Variants in GPR173 observed in about 807,000 individuals in gnomAD.
GPR173 encodes G protein-coupled receptor 173.
GPR173 carries 2 observed loss-of-function variants against 13.9 expected under a neutral mutation model. That is an observed-to-expected ratio of 0.14 (90% CI 0.06 to 0.45). GPR173 has a LOEUF of 0.45. GPR173 is among the 20% of genes least tolerant of loss of function. The probability of loss-of-function intolerance (pLI) is 0.98; values close to 1 mark genes in which losing one functional copy is unlikely to be tolerated. For missense variants in GPR173, 202 were observed against 340.5 expected, an observed-to-expected ratio of 0.59 and a Z score of 3.20; for synonymous variants, 131 against 141.0, an observed-to-expected ratio of 0.93 and a Z score of 0.50.
intron 1 of GPR173, among the ~76,000 whole-genome samples, chrX:53,060,580 C>CAA (rs111798225): frequency 3.2e-5 from 2 of 61,569 alleles, no homozygotes; most frequent in Non-Finnish European, 3.4e-5. Context: ...GACTCCGTCT[C>CAA]AAAAAAAAAA....
intron 1 of GPR173, among the ~76,000 whole-genome samples, chrX:53,055,561 TGGG>T (rs1278909568): frequency 9.1e-6 from 1 of 109,498 alleles, no homozygotes; most frequent in Non-Finnish European, 1.9e-5. Context: ...AAAAGAGAGT[TGGG>T]GGCACAGCTG....
chrX:53,053,197 CAAG>C (rs1556802910), intron 1 of GPR173, among the ~76,000 whole-genome samples: 2 of 112,587 alleles, frequency 1.8e-5, no homozygotes, highest in African/African-American at 6.5e-5. Flanking sequence ...GTTGTGTGTA[CAAG>C]TCTGTGTTAG....
At position 53,074,007 on chromosome X, in the gene GPR173, T is replaced by TATAA. The variant is rs1569224264; in HGVS notation, c.-97-2515_-97-2514insAATA. 1.6e-3 allele frequency among the ~76,000 whole-genome samples: 29 copies of TATAA among 17,580 alleles called. 3 individuals carry two copies. Among genetic ancestry groups the TATAA allele is most frequent in the African/African-American group, 8.5e-3 (13 of 1,524 alleles). 15.3% of individuals were successfully genotyped at this position (17,580 alleles called of 115,157 possible). Reference sequence around the variant, plus strand: ...TATATAAATATACATAAATATATATTATACATAAATATATATTTATATATA... The same window carrying TATAA: ...TATATAAATATACATAAATATATATTATAAATACATAAATATATATTTATATATA... On this transcript the variant is annotated intron_variant, in intron 1 of 1. Coordinates refer to ENST00000332582, the MANE Select transcript of GPR173 (RefSeq NM_018969.6).
intron 1 of GPR173, among the ~76,000 whole-genome samples, chrX:53,057,467 G>A (rs1556803318): frequency 1.9e-5 from 2 of 105,197 alleles, no homozygotes; most frequent in East Asian, 5.9e-4. Context: ...GGCTGGGCAT[G>A]GTGGCTCACA....
chrX:53,076,999 C>G lies in GPR173; in HGVS notation c.378C>G (p.Ala126=). 1 of 1,210,483 alleles carries G rather than the reference C, an allele frequency of 8.3e-7. No individual in the cohort carries two copies. Among genetic ancestry groups the G allele is most frequent in the Non-Finnish European group, 1.1e-6 (1 of 895,257 alleles). Residue 126 remains alanine, a synonymous_variant, in exon 2 of 2, where the codon GCC becomes GCG. Coordinates refer to ENST00000332582, the MANE Select transcript of GPR173 (RefSeq NM_018969.6). ...GCGTCACCCGCTACATGGCCATCGCCCACCACCGCTTCTACGCCAAGCGCA... is the reference window on the plus strand; with the variant it reads ...GCGTCACCCGCTACATGGCCATCGCGCACCACCGCTTCTACGCCAAGCGCA... The part of the protein sequence containing the change: ...CISVTRYMAI[A]HHRFYAKRMT...
chrX:53,054,097 A>T (rs1931997892), intron 1 of GPR173, among the ~76,000 whole-genome samples: 1 of 111,200 alleles, frequency 9.0e-6, no homozygotes, highest in South Asian at 3.8e-4. Flanking sequence ...AGAAATCTAG[A>T]TGTGAGTGTG....
At chrX:53,068,125 A>G (rs782610115) in intron 1 of GPR173, among the ~76,000 whole-genome samples, 3 of 111,707 alleles carry the variant, frequency 2.7e-5, no homozygotes, top group South Asian at 3.7e-4. Context: ...TATAACAGAT[A>G]TGCTTCAGAA....
Position 53,076,667 on chromosome X carries a change from T to C in GPR173, c.46T>C (p.Ser16Pro), listed in dbSNP as rs782410900. 8.3e-7 allele frequency: 1 copy of C among 1,202,092 alleles called. No individual in the cohort carries two copies. Among genetic ancestry groups the C allele is most frequent in the East Asian group, 3.0e-5 (1 of 33,642 alleles). ...GEPEEVSGALSPPSASAYVKL... is the reference protein window; with the variant it reads ...GEPEEVSGALPPPSASAYVKL... Reference sequence around the variant, plus strand: ...GCCTGAGGAGGTGAGCGGCGCTCTGTCCCCACCGTCCGCATCAGCTTATGT... The same window carrying C: ...GCCTGAGGAGGTGAGCGGCGCTCTGCCCCCACCGTCCGCATCAGCTTATGT... Residue 16 changes from serine (S) to proline (P), a missense_variant, in exon 2 of 2, where the codon TCC becomes CCC. Ser to Pro is a moderately conservative substitution (Grantham distance 74). Around this residue, in one of 3 missense-constraint regions of GPR173, gnomAD observed 98 missense variants for 137.2 expected, o/e 0.71. Transcript: ENST00000332582.
At position 53,077,458 on chromosome X, in the gene GPR173, G is replaced by A. The variant is rs1932454621; in HGVS notation, c.837G>A (p.Lys279=). The A allele has an allele frequency of 5.8e-6, 7 of 1,210,780 alleles. No individual in the cohort carries two copies. In the East Asian group the frequency reaches 8.9e-5, roughly 15 times the overall value. The change falls in exon 2 of 2, where the codon AAG becomes AAA. Residue 279 remains lysine (K), a synonymous_variant. Transcript: ENST00000332582. ...GGCTACTGGGCATGGACGAGGTCAA[G>A]GGTGAAAAGCAGCTGGGCCGCATGT... ...SRRLLGMDEV[K]GEKQLGRMFY...
chrX:53,062,569 C>CTTTTTTTTTTT (rs1359629881), intron 1 of GPR173, among the ~76,000 whole-genome samples: 1 of 74,671 alleles, frequency 1.3e-5, no homozygotes, highest in African/African-American at 5.6e-5. Flanking sequence ...ACATTGTCTT[C>CTTTTTTTTTTT]TTCTTTTTTT....
intron 1 of GPR173, among the ~76,000 whole-genome samples, chrX:53,060,938 TTC>T (rs1556803725): frequency 9.3e-6 from 1 of 107,916 alleles, no homozygotes; most frequent in Admixed American, 9.9e-5. Flanking sequence ...GTACAGACAC[TTC>T]CAGAGGAGGA....
chrX:53,053,915 G>T (rs1207398511), intron 1 of GPR173, among the ~76,000 whole-genome samples: 1 of 112,095 alleles, frequency 8.9e-6, no homozygotes, highest in Non-Finnish European at 1.9e-5. Context: ...ACCAATCATG[G>T]CTGATGTCCT....
intron 1 of GPR173, among the ~76,000 whole-genome samples, chrX:53,051,204 G>A (rs1240606892): frequency 9.0e-6 from 1 of 110,805 alleles, no homozygotes; most frequent in Non-Finnish European, 1.9e-5. Context: ...GAAGAACGGG[G>A]TCTGCTGGCT....
chrX:53,071,462 G>T (rs1176497826), intron 1 of GPR173, among the ~76,000 whole-genome samples: 1 of 112,012 alleles, frequency 8.9e-6, no homozygotes, highest in Non-Finnish European at 1.9e-5. Flanking sequence ...CACGTTCCTG[G>T]ATAATTCGGG....
chrX:53,056,659 T>C lies in GPR173; in HGVS notation c.-98+7175T>C, dbSNP rs782306112. On this transcript the variant is annotated intron_variant, in intron 1 of 1. Coordinates refer to ENST00000332582, the MANE Select transcript of GPR173 (RefSeq NM_018969.6). Reference sequence around the variant, plus strand: ...GAATGTGAGTGTATCTGTGTGTGAGTGTGTAGGTGGTATATCTGGAGGTTT... The same window carrying C: ...GAATGTGAGTGTATCTGTGTGTGAGCGTGTAGGTGGTATATCTGGAGGTTT... Among the ~76,000 whole-genome samples, 9 of 110,574 alleles carry C rather than the reference T, an allele frequency of 8.1e-5. No individual in the cohort carries two copies. The East Asian group carries it at 2.6e-3, about 31-fold the overall frequency.
In GPR173 at chrX:53,076,528, C is replaced by T; in HGVS notation, c.-94C>T. On this transcript the variant is annotated 5_prime_UTR_variant, in exon 2 of 2. Coordinates refer to ENST00000332582, the MANE Select transcript of GPR173 (RefSeq NM_018969.6). ...CCCCGCTCATTCCCATTTGCAGGTG[C>T]AATGTAGCAGGACAACTCATGGAGC... is the stretch of plus-strand genomic sequence containing the variant. The T allele has an allele frequency of 1.6e-6, 1 of 634,895 alleles. No homozygotes were observed. The allele number at this position is 634,895 out of a possible 1,213,427, so 52.3% of individuals were successfully genotyped here.
intron 1 of GPR173, among the ~76,000 whole-genome samples, chrX:53,061,222 CAAA>C (rs377296420): frequency 1.2e-5 from 1 of 83,169 alleles, no homozygotes; most frequent in Admixed American, 1.4e-4. Flanking sequence ...GACTCCATCT[CAAA>C]AAAAAAAAAA....
intron 1 of GPR173, among the ~76,000 whole-genome samples, chrX:53,059,319 G>T (rs1206391100): frequency 2.8e-5 from 3 of 106,940 alleles, no homozygotes; most frequent in African/African-American, 1.0e-4. Context: ...GTGACACAGG[G>T]TCTCACTCTG....
chrX:53,073,612 A>C (rs1932299104), intron 1 of GPR173, among the ~76,000 whole-genome samples: 1 of 106,242 alleles, frequency 9.4e-6, no homozygotes, highest in African/African-American at 3.4e-5. Context: ...TCCCTCAATC[A>C]ATTCATTTGA....
Sources: allele counts gnomAD v4.1 joint callset (sites outside exome capture counted in the v4.1 genomes callset), GRCh38; gene constraint gnomAD v4.1.1; regional missense constraint gnomAD v4.1.1; transcripts MANE v1.5; gene names NCBI Gene and HGNC (gene_info 2026-07-23, HGNC 2026-07-21).